CNTN3: variants seen among roughly 807,000 people sequenced by gnomAD.
CNTN3 encodes contactin 3.
In CNTN3, 60 loss-of-function variants were observed where a neutral mutation model predicts 119.1. That is an observed-to-expected ratio of 0.50 (90% CI 0.41 to 0.62). CNTN3 has a LOEUF of 0.62. CNTN3 is among the 20% of genes least tolerant of loss of function. The pLI, the probability that CNTN3 is intolerant of heterozygous loss-of-function variation, is 0.00. For synonymous variants in CNTN3, 450 were observed against 438.7 expected (o/e 1.03, Z -0.32); for missense variants, 1,101 against 1,242.4 (o/e 0.89, Z 1.71).
chr3:74,289,550 CT>C (rs959854592), intron 19 of CNTN3, among the ~76,000 whole-genome samples: 3 of 151,590 alleles, frequency 2.0e-5, no homozygotes, highest in East Asian at 3.9e-4. Flanking sequence ...CACTGGTTTG[CT>C]TTTTTTTTCT....
Position 74,614,579 on chromosome 3 carries a change from C to A in CNTN3, c.-269G>T, listed in dbSNP as rs1340177144. 6.7e-6 allele frequency among the ~76,000 whole-genome samples: 1 copy of A among 148,456 alleles called. No homozygotes were observed. Among genetic ancestry groups the A allele is most frequent in the Admixed American group, 6.7e-5 (1 of 14,934 alleles). On this transcript the variant is annotated 5_prime_UTR_variant, in exon 1 of 23. Transcript: ENST00000263665. ...GCACGGTTCCCGGCCCAGTCCACGG[C>A]GCCAGCCCGCCCGCCGCTGCCACCG...
chr3:74,458,966 G>A (rs1311778640), intron 4 of CNTN3, among the ~76,000 whole-genome samples: 1 of 151,924 alleles, frequency 6.6e-6, no homozygotes, highest in Non-Finnish European at 1.5e-5. Flanking sequence ...CAGATTCTTA[G>A]TCTCAATTTA....
At chr3:74,483,031 C>T (rs1702790800) in intron 4 of CNTN3, among the ~76,000 whole-genome samples, 1 of 151,980 alleles carries the variant, frequency 6.6e-6, no homozygotes, top group Admixed American at 6.6e-5. Context: ...CTTTCCAGTC[C>T]AATGTGGTGT....
chr3:74,519,276 G>A (rs1304646085), intron 2 of CNTN3, among the ~76,000 whole-genome samples: 26 of 151,436 alleles, frequency 1.7e-4, no homozygotes, highest in African/African-American at 2.4e-5. Flanking sequence ...TCCTTATAAC[G>A]TTTTACCACC....
At chr3:74,410,928 G>A (rs1391355116) in intron 5 of CNTN3, among the ~76,000 whole-genome samples, 3 of 152,178 alleles carry the variant, frequency 2.0e-5, no homozygotes, top group Middle Eastern at 3.4e-3. Context: ...ACCCACTAAC[G>A]TATCAATAAG....
At chr3:74,539,692 C>T (rs746655517) in intron 1 of CNTN3, among the ~76,000 whole-genome samples, 8 of 152,074 alleles carry the variant, frequency 5.3e-5, no homozygotes, top group Non-Finnish European at 1.2e-4. Context: ...TCCTTCTTTC[C>T]TATTTTCACA....
intron 13 of CNTN3, among the ~76,000 whole-genome samples, chr3:74,313,275 T>G (rs1282630150): frequency 6.6e-6 from 1 of 152,114 alleles, no homozygotes; most frequent in Non-Finnish European, 1.5e-5. Flanking sequence ...CAATGGTGAC[T>G]AAGAGTTTCA....
At chr3:74,330,520 C>T (rs915384016) in intron 13 of CNTN3, among the ~76,000 whole-genome samples, 2 of 152,106 alleles carry the variant, frequency 1.3e-5, no homozygotes, top group Non-Finnish European at 2.9e-5. Flanking sequence ...GTACATAATA[C>T]TTGATAATCA....
intron 4 of CNTN3, among the ~76,000 whole-genome samples, chr3:74,431,525 T>A (rs1701782815): frequency 6.6e-6 from 1 of 152,180 alleles, no homozygotes; most frequent in Admixed American, 6.5e-5. Context: ...GCAGAATAAG[T>A]CAGGGACCTT....
chr3:74,391,640 C>T (rs896149980), intron 5 of CNTN3, among the ~76,000 whole-genome samples: 9 of 141,830 alleles, frequency 6.3e-5, no homozygotes, highest in Non-Finnish European at 1.2e-4. Context: ...GTTCTTGGCT[C>T]ACTATAACCT....
In CNTN3 at chr3:74,306,907, T is replaced by G. The variant is rs559231392; in HGVS notation, c.1669-4100A>C. On this transcript the variant is annotated intron_variant, in intron 13 of 22. Transcript: ENST00000263665. ...GTCCTTATGTTCATAGGGCATAGAG[T>G]TGGAAGACAGGCATTAATGAAATGA... 3.3e-5 allele frequency among the ~76,000 whole-genome samples: 5 copies of G among 152,198 alleles called. No homozygotes were observed. The East Asian group carries it at 9.7e-4, about 29-fold the overall frequency.
At chr3:74,499,075 T>C (rs1245218353) in intron 3 of CNTN3, among the ~76,000 whole-genome samples, 1 of 644 alleles carries the variant, frequency 1.6e-3, no homozygotes, top group African/African-American at 2.6e-3. Context: ...TTTTTCTTTT[T>C]TCCTTATACT....
intron 1 of CNTN3, among the ~76,000 whole-genome samples, chr3:74,539,882 G>A (rs773261421): frequency 3.9e-5 from 6 of 152,046 alleles, no homozygotes; most frequent in Non-Finnish European, 5.9e-5. Context: ...GTATTTGTTC[G>A]GAAAGGAGGT....
At position 74,318,551 on chromosome 3, in the gene CNTN3, G is replaced by A. The variant is rs575350785; in HGVS notation, c.1669-15744C>T. ...CCTTTCTGTTAGTTTTCCTTCTAAC[G>A]GACAGGACCCTCAGCTGCAGGTCTG... On this transcript the variant is annotated intron_variant, in intron 13 of 22. Transcript: ENST00000263665. Among the ~76,000 whole-genome samples the A allele has an allele frequency of 2.2e-4, 33 of 152,184 alleles. 1 individual carries two copies. The Middle Eastern group carries it at 0.01, about 47-fold the overall frequency.
intron 13 of CNTN3, among the ~76,000 whole-genome samples, chr3:74,333,591 A>C (rs1293925062): frequency 6.6e-6 from 1 of 152,158 alleles, no homozygotes; most frequent in Non-Finnish European, 1.5e-5. Flanking sequence ...GTTATACTGA[A>C]TAAGGGCCCA....
chr3:74,404,022 A>T (rs944027757), intron 5 of CNTN3, among the ~76,000 whole-genome samples: 1 of 151,992 alleles, frequency 6.6e-6, no homozygotes, highest in African/African-American at 2.4e-5. Flanking sequence ...AAGACTCGCT[A>T]TTCTCTGTCT....
At chr3:74,505,519 A>ACAC (rs1553674653) in intron 2 of CNTN3, among the ~76,000 whole-genome samples, 5 of 151,598 alleles carry the variant, frequency 3.3e-5, no homozygotes, top group East Asian at 4.0e-4. Context: ...ACACACACAC[A>ACAC]CACACCACAC....
At chr3:74,291,570 A>G (rs551868977) in intron 19 of CNTN3, among the ~76,000 whole-genome samples, 165 of 152,262 alleles carry the variant, frequency 1.1e-3, no homozygotes, top group African/African-American at 3.7e-3. Context: ...TTGTAGAGAC[A>G]GGGTTTCACT....
At chr3:74,566,103 A>G (rs763355222) in intron 1 of CNTN3, among the ~76,000 whole-genome samples, 1 of 152,146 alleles carries the variant, frequency 6.6e-6, no homozygotes, top group African/African-American at 2.4e-5. Context: ...TCTTTCCTTT[A>G]TAAACTACCC....
Sources: gnomAD v4.1 joint callset for allele counts (sites outside exome capture counted in the v4.1 genomes callset) on GRCh38, gnomAD v4.1.1 for gene constraint, MANE v1.5 for transcripts, NCBI Gene and HGNC (gene_info 2026-07-23, HGNC 2026-07-21) for gene names.